The following TBC1D22A variants were observed in gnomAD, a reference collection of about 807,000 sequenced individuals.
The protein encoded by TBC1D22A is putative GTPase activator.
In TBC1D22A, 38 loss-of-function variants were observed where a neutral mutation model predicts 60.2. The ratio of observed to expected loss-of-function variants is 0.63; its 90% CI spans 0.49 to 0.83. TBC1D22A has a LOEUF of 0.83. Among genes scored for constraint, TBC1D22A ranks in the 40% least tolerant of loss-of-function variants. The pLI, the probability that TBC1D22A is intolerant of heterozygous loss-of-function variation, is 0.00. For missense variants in TBC1D22A, 628 were observed against 701.0 expected, an observed-to-expected ratio of 0.90 and a Z score of 1.18; for synonymous variants, 302 against 281.7, an observed-to-expected ratio of 1.07 and a Z score of -0.72.
intron 5 of TBC1D22A, 130 bp downstream of exon 5, chr22:46,878,853 T>C (rs778216998): frequency 7.4e-5 from 51 of 687,474 alleles, no homozygotes; most frequent in Non-Finnish European, 1.2e-4. Flanking sequence ...ATAAAGGCCT[T>C]TGCTATGGCT....
At chr22:47,131,127 C>G (rs2066663594) in intron 12 of TBC1D22A, among the ~76,000 whole-genome samples, 1 of 152,320 alleles carries the variant, frequency 6.6e-6, no homozygotes, top group South Asian at 2.1e-4. Context: ...GGGAAGGGAC[C>G]AAGCCATTCG....
At chr22:46,886,470 G>A (rs1413993404) in intron 5 of TBC1D22A, among the ~76,000 whole-genome samples, 2 of 152,206 alleles carry the variant, frequency 1.3e-5, no homozygotes, top group Non-Finnish European at 2.9e-5. Flanking sequence ...TGACACGCGT[G>A]TAACCAGGCG....
chr22:47,125,081 A>C (rs1053047995), intron 12 of TBC1D22A, among the ~76,000 whole-genome samples: 1 of 152,066 alleles, frequency 6.6e-6, no homozygotes, highest in Non-Finnish European at 1.5e-5. Context: ...CACAGTGACC[A>C]CACTCCTGCC....
intron 1 of TBC1D22A, chr22:46,774,255 T>C (rs2083606413): frequency 5.1e-6 from 5 of 985,392 alleles, no homozygotes; most frequent in Middle Eastern, 5.2e-4. Flanking sequence ...TTGTTCTAGG[T>C]CCCCCCTGGT....
intron 7 of TBC1D22A, among the ~76,000 whole-genome samples, chr22:46,910,903 G>C (rs6009050): frequency 0.19 from 29,166 of 149,772 alleles, 3,681 homozygotes; most frequent in African/African-American, 0.38. Flanking sequence ...ACGGGCTGAT[G>C]ACTGGCAGGC....
intron 4 of TBC1D22A, among the ~76,000 whole-genome samples, chr22:46,877,005 G>A (rs963297238): frequency 6.6e-6 from 1 of 152,204 alleles, no homozygotes; most frequent in Non-Finnish European, 1.5e-5. Flanking sequence ...TCCTGCTGCT[G>A]TGCTTTGATC....
Position 46,904,472 on chromosome 22 carries a change from G to A in TBC1D22A, c.901-7602G>A, listed in dbSNP as rs549700307. 3.8e-4 allele frequency among the ~76,000 whole-genome samples: 45 copies of A among 117,716 alleles called. No individual in the cohort carries two copies. In the East Asian group the frequency reaches 8.5e-3, roughly 22 times the overall value. The allele number at this position is 117,716 out of a possible 152,430, so 77.2% of individuals were successfully genotyped here. ...CCTGCTGGTGACCAGGATGAAAAAC[G>A]AATTTTTTTTTTTTGAGACGGAGTC... On this transcript the variant is annotated intron_variant, in intron 7 of 12. Coordinates refer to ENST00000337137, the MANE Select transcript of TBC1D22A (RefSeq NM_014346.5).
At chr22:46,920,143 TATC>T (rs1383847681) in intron 8 of TBC1D22A, among the ~76,000 whole-genome samples, 1 of 152,160 alleles carries the variant, frequency 6.6e-6, no homozygotes, top group Non-Finnish European at 1.5e-5. Flanking sequence ...GCACTAACGT[TATC>T]ATAGTTCATG....
chr22:46,892,224 G>A (rs951105642), intron 6 of TBC1D22A, among the ~76,000 whole-genome samples: 3 of 151,678 alleles, frequency 2.0e-5, no homozygotes, highest in African/African-American at 7.3e-5. Flanking sequence ...GCTTCTAGGT[G>A]ATGGAGCTTT....
intron 12 of TBC1D22A, among the ~76,000 whole-genome samples, chr22:47,170,823 A>G (rs1315508048): frequency 1.8e-5 from 2 of 108,390 alleles, no homozygotes; most frequent in African/African-American, 4.7e-5. Flanking sequence ...GAGAGAGGGC[A>G]GTCCTGGTGT....
chr22:47,132,560 C>G lies in TBC1D22A; in HGVS notation c.1425+20957C>G, dbSNP rs943962890. The stretch of plus-strand genomic sequence containing the variant: ...CTGCAACCCAAACTGACTCCTGCCT[C>G]CGACCCCACAGGACATGAGCTGCCT... On this transcript the variant is annotated intron_variant, in intron 12 of 12. Transcript: ENST00000337137. 5.3e-5 allele frequency among the ~76,000 whole-genome samples: 8 copies of G among 152,252 alleles called. No individual in the cohort carries two copies. In the East Asian group the frequency reaches 7.7e-4, roughly 15 times the overall value.
chr22:46,960,210 G>T (rs1325825998), intron 8 of TBC1D22A, among the ~76,000 whole-genome samples: 2 of 151,972 alleles, frequency 1.3e-5, no homozygotes, highest in African/African-American at 4.8e-5. Context: ...TTTGGTACTG[G>T]CCTGTTATAT....
intron 11 of TBC1D22A, among the ~76,000 whole-genome samples, chr22:47,060,815 C>T (rs748080689): frequency 1.1e-4 from 17 of 152,336 alleles, no homozygotes; most frequent in Admixed American, 2.0e-4. Context: ...CCTTTGGAGG[C>T]TCCCCTGGTG....
chr22:46,894,682 G>T (rs1050639673), intron 6 of TBC1D22A, 102 bp from the exon 7 acceptor site: 2 of 1,377,178 alleles, frequency 1.5e-6, no homozygotes, highest in Non-Finnish European at 2.1e-6. Flanking sequence ...GCGGGGTAGA[G>T]GCCGGGGAAG....
chr22:46,992,950 G>T (rs1225460619), intron 9 of TBC1D22A, among the ~76,000 whole-genome samples: 1 of 152,202 alleles, frequency 6.6e-6, no homozygotes. Context: ...CCTGGGCGTG[G>T]AAGGCACATT....
intron 1 of TBC1D22A, among the ~76,000 whole-genome samples, chr22:46,778,633 C>T (rs531687007): frequency 6.6e-6 from 1 of 152,250 alleles, no homozygotes; most frequent in Admixed American, 6.5e-5. Flanking sequence ...GATAACATTG[C>T]CTTCTTCTGG....
At chr22:47,167,909 G>C (rs1373580097) in intron 12 of TBC1D22A, among the ~76,000 whole-genome samples, 3 of 152,210 alleles carry the variant, frequency 2.0e-5, no homozygotes, top group Non-Finnish European at 4.4e-5. Context: ...TTGAAGGTCA[G>C]GTTTCACTGG....
intron 8 of TBC1D22A, among the ~76,000 whole-genome samples, chr22:46,971,065 A>G (rs963263900): frequency 3.9e-5 from 6 of 152,192 alleles, no homozygotes; most frequent in African/African-American, 1.4e-4. Context: ...CAATAAGGGT[A>G]ATTCCAATTC....
At position 46,960,196 on chromosome 22, in the gene TBC1D22A, G is replaced by A. The variant is rs923042322; in HGVS notation, c.1016-14094G>A. Among the ~76,000 whole-genome samples the A allele has an allele frequency of 2.0e-5, 3 of 152,084 alleles. No individual in the cohort carries two copies. In the East Asian group the frequency reaches 5.8e-4, roughly 29 times the overall value. On this transcript the variant is annotated intron_variant, in intron 8 of 12. Coordinates refer to ENST00000337137, the MANE Select transcript of TBC1D22A (RefSeq NM_014346.5). ...ATGTTGTTATTAGTGCGTTTTTCAC[G>A]GTCTTTGGTACTGGCCTGTTATATA...
Sources: allele counts gnomAD v4.1 joint callset (sites outside exome capture counted in the v4.1 genomes callset), GRCh38; gene constraint gnomAD v4.1.1; transcripts MANE v1.5; gene names NCBI Gene and HGNC (gene_info 2026-07-23, HGNC 2026-07-21).